ANXA8: variants seen among roughly 807,000 people sequenced by gnomAD.
The protein encoded by ANXA8 is annexin A8, also known as VAC-beta.
A neutral mutation model predicts 26.8 loss-of-function variants in ANXA8; 9 were observed. The observed-to-expected ratio is 0.34, with a 90% CI of 0.20 to 0.59. ANXA8 has a LOEUF of 0.59. Ranked by LOEUF, ANXA8 falls within the 20% of genes least tolerant of loss-of-function variation. The probability of loss-of-function intolerance (pLI) is 0.84; values close to 1 mark genes in which losing one functional copy is unlikely to be tolerated. For synonymous variants in ANXA8, 39 were observed against 94.8 expected, an observed-to-expected ratio of 0.41 and a Z score of 3.42; for missense variants, 83 against 238.5, an observed-to-expected ratio of 0.35 and a Z score of 4.29.
chr10:47,908,940 T>G, the ANXA8 span, among the ~76,000 whole-genome samples: 3 of 49,822 alleles, frequency 6.0e-5, no homozygotes, highest in Admixed American at 6.1e-4. Context: ...TATAATGGAA[T>G]AGTTACTCTA....
At chr10:47,706,633 C>T in the ANXA8 span, 4 of 931,362 alleles carry the variant, frequency 4.3e-6, no homozygotes, top group African/African-American at 4.7e-5. Flanking sequence ...TGGAATGCAG[C>T]TTTTTTGGAA....
At chr10:47,754,971 T>C in the ANXA8 span, among the ~76,000 whole-genome samples, 15 of 124,918 alleles carry the variant, frequency 1.2e-4, no homozygotes. Flanking sequence ...TTCTTTTTTT[T>C]TTTTTTGACA....
chr10:47,576,780 A>C, the ANXA8 span, among the ~76,000 whole-genome samples: 1 of 150,664 alleles, frequency 6.6e-6, no homozygotes, highest in Non-Finnish European at 1.5e-5. Flanking sequence ...TCAGCCTCCC[A>C]AAGTGCAGGA....
the ANXA8 span, among the ~76,000 whole-genome samples, chr10:47,974,145 T>C: frequency 2.1e-3 from 324 of 150,914 alleles, 1 homozygote; most frequent in African/African-American, 7.2e-3. Flanking sequence ...ACTTTGCAGT[T>C]GGACATTCCT....
At chr10:47,528,993 T>C in the ANXA8 span, among the ~76,000 whole-genome samples, 2 of 141,404 alleles carry the variant, frequency 1.4e-5, no homozygotes, top group Non-Finnish European at 3.1e-5. Flanking sequence ...TTAAATACCA[T>C]TTTGGATAAT....
chr10:47,626,282 G>A, the ANXA8 span, among the ~76,000 whole-genome samples: 1 of 150,232 alleles, frequency 6.7e-6, no homozygotes, highest in East Asian at 1.9e-4. Context: ...CAAGTAAATT[G>A]TAAAAGGATA....
At chr10:47,624,228 G>A in the ANXA8 span, among the ~76,000 whole-genome samples, 2 of 72,974 alleles carry the variant, frequency 2.7e-5, no homozygotes, top group African/African-American at 5.7e-5. Flanking sequence ...GGGAGACAGA[G>A]TGAGACTCCA....
the ANXA8 span, among the ~76,000 whole-genome samples, chr10:47,670,272 T>C: frequency 6.6e-6 from 1 of 151,932 alleles, no homozygotes; most frequent in Admixed American, 6.5e-5. Flanking sequence ...GATGAACTTT[T>C]GGGTTGTTTC....
chr10:47,585,263 CAAAAAAAAA>C, the ANXA8 span, among the ~76,000 whole-genome samples: 2 of 43,582 alleles, frequency 4.6e-5, no homozygotes, highest in African/African-American at 3.2e-4. Context: ...GACTCCATCT[CAAAAAAAAA>C]AAAAAAAAAA....
the ANXA8 span, among the ~76,000 whole-genome samples, chr10:47,614,181 T>C: frequency 1.3e-5 from 1 of 74,896 alleles, no homozygotes; most frequent in African/African-American, 3.8e-5. Flanking sequence ...AACTTTACAT[T>C]CACTTTTCCT....
chr10:47,535,770 C>T, the ANXA8 span, among the ~76,000 whole-genome samples: 1 of 47,412 alleles, frequency 2.1e-5, no homozygotes, highest in Non-Finnish European at 3.6e-5. Context: ...TAGAACCTTA[C>T]ATGAAAACGG....
the ANXA8 span, among the ~76,000 whole-genome samples, chr10:47,561,368 A>AGTGTTGGGATTACAAGCGTGAACTACC: frequency 3.1e-4 from 47 of 151,556 alleles, no homozygotes; most frequent in Non-Finnish European, 6.2e-4. Context: ...TCAGCCTTCC[A>AGTGTTGGGATTACAAGCGTGAACTACC]GTGTTGGGAT....
chr10:47,688,578 C>T, the ANXA8 span, among the ~76,000 whole-genome samples: 2 of 151,476 alleles, frequency 1.3e-5, no homozygotes, highest in Non-Finnish European at 2.9e-5. Flanking sequence ...TGGGCCATCA[C>T]AGCCGGCTAA....
the ANXA8 span, among the ~76,000 whole-genome samples, chr10:47,687,267 T>G: frequency 6.7e-6 from 1 of 149,974 alleles, no homozygotes; most frequent in African/African-American, 2.4e-5. Flanking sequence ...CACCAACATT[T>G]TTTTTTTTTT....
the ANXA8 span, among the ~76,000 whole-genome samples, chr10:47,756,886 A>T: frequency 1.4e-5 from 2 of 144,726 alleles, no homozygotes; most frequent in Non-Finnish European, 3.0e-5. Context: ...GCTGATGGAA[A>T]GGTGGAGGTG....
the ANXA8 span, among the ~76,000 whole-genome samples, chr10:47,909,006 T>C: frequency 2.6e-5 from 2 of 77,244 alleles, 1 homozygote; most frequent in African/African-American, 1.2e-4. Context: ...ATGTGATGTA[T>C]GTACACACAC....
the ANXA8 span, among the ~76,000 whole-genome samples, chr10:47,658,998 A>T: frequency 1.3e-5 from 2 of 149,692 alleles, no homozygotes; most frequent in African/African-American, 2.5e-5. Context: ...CAGCCTCCCA[A>T]GTAGCTGGGA....
the ANXA8 span, among the ~76,000 whole-genome samples, chr10:47,980,962 TATG>T: frequency 6.6e-6 from 1 of 151,386 alleles, no homozygotes; most frequent in Non-Finnish European, 1.5e-5. Flanking sequence ...CAACTCATTC[TATG>T]ATGTCATTAT....
At chr10:47,694,943 G>A in the ANXA8 span, among the ~76,000 whole-genome samples, 1 of 151,712 alleles carries the variant, frequency 6.6e-6, no homozygotes, top group Non-Finnish European at 1.5e-5. Flanking sequence ...GCTGGGGCAT[G>A]TCAGTGAGAG....
Sources: gnomAD v4.1 joint callset for allele counts (sites outside exome capture counted in the v4.1 genomes callset) on GRCh38, gnomAD v4.1.1 for gene constraint, MANE v1.5 for transcripts, NCBI Gene and HGNC (gene_info 2026-07-23, HGNC 2026-07-21) for gene names.